The following GLT1D1 variants were observed in gnomAD, a reference collection of about 807,000 sequenced individuals.
GLT1D1 encodes glycosyltransferase 1 domain-containing protein 1.
In GLT1D1, 21 loss-of-function variants were observed where a neutral mutation model predicts 28.7. The observed-to-expected ratio is 0.73, with a 90% CI of 0.52 to 1.05. The LOEUF (loss-of-function observed/expected upper bound fraction) is 1.05, where lower values mean the gene tolerates loss of function less well. Among genes scored for constraint, GLT1D1 ranks in the 50% least tolerant of loss-of-function variants. The pLI is 0.00. For synonymous variants in GLT1D1, 147 were observed against 124.8 expected (o/e 1.18, Z -1.19); for missense variants, 343 against 330.6 (o/e 1.04, Z -0.29).
At chr12:128,908,361 T>TTTCCC (rs1555266884) in intron 4 of GLT1D1, among the ~76,000 whole-genome samples, 9 of 120,050 alleles carry the variant, frequency 7.5e-5, no homozygotes, top group East Asian at 2.8e-4. Context: ...TCTTTCTTTC[T>TTTCCC]TTTCTTTCTT....
At chr12:128,877,679 T>C (rs1956902306) in intron 2 of GLT1D1, among the ~76,000 whole-genome samples, 1 of 152,222 alleles carries the variant, frequency 6.6e-6, no homozygotes, top group Non-Finnish European at 1.5e-5. Context: ...ACAGTTAACA[T>C]TTTCTTGTGG....
chr12:128,880,990 G>C (rs1957017783), intron 2 of GLT1D1, among the ~76,000 whole-genome samples: 1 of 151,798 alleles, frequency 6.6e-6, no homozygotes, highest in Non-Finnish European at 1.5e-5. Context: ...TTTGGGTGGT[G>C]GAGACGGGCG....
chr12:128,875,209 C>T lies in GLT1D1; in HGVS notation c.69-705C>T, dbSNP rs541430428. ...GCCCAAAAACAATCTTTAGATACCA[C>T]AATTCAGGGACAGGAGAGAAAATGT... On this transcript the variant is annotated intron_variant, in intron 1 of 7. Coordinates refer to ENST00000281703, the MANE Select transcript of GLT1D1 (RefSeq NM_144669.3). Among the ~76,000 whole-genome samples, 8 of 152,214 alleles carry T rather than the reference C, an allele frequency of 5.3e-5. No individual in the cohort carries two copies. In the East Asian group the frequency reaches 1.4e-3, roughly 26 times the overall value.
intron 2 of GLT1D1, among the ~76,000 whole-genome samples, chr12:128,878,184 C>T (rs566503757): frequency 6.6e-6 from 1 of 152,168 alleles, no homozygotes; most frequent in East Asian, 1.9e-4. Flanking sequence ...TCATGTACAC[C>T]CATGCATGTA....
chr12:128,929,661 T>TTAAAAA (rs1396024841), intron 4 of GLT1D1, among the ~76,000 whole-genome samples: 3 of 152,146 alleles, frequency 2.0e-5, no homozygotes, highest in Non-Finnish European at 4.4e-5. Flanking sequence ...ACAAAAGGTA[T>TTAAAAA]TAAAAATGTC....
intron 2 of GLT1D1, among the ~76,000 whole-genome samples, chr12:128,880,485 AG>A (rs752830160): frequency 6.6e-6 from 1 of 152,210 alleles, no homozygotes; most frequent in Non-Finnish European, 1.5e-5. Flanking sequence ...TGAAGGTTAA[AG>A]TCTCTCTGTG....
At chr12:128,944,787 C>A in intron 4 of GLT1D1, 1 of 386,898 alleles carries the variant, frequency 2.6e-6, no homozygotes. Flanking sequence ...TTGGCTAACA[C>A]GTCAATTTAT....
At chr12:128,891,579 C>T (rs1026033908) in intron 3 of GLT1D1, among the ~76,000 whole-genome samples, 3 of 152,174 alleles carry the variant, frequency 2.0e-5, no homozygotes, top group African/African-American at 7.2e-5. Context: ...AAGCTCTGGC[C>T]AGGGAATTTG....
chr12:128,943,529 C>T (rs750483206), intron 4 of GLT1D1, among the ~76,000 whole-genome samples: 5 of 152,098 alleles, frequency 3.3e-5, no homozygotes, highest in South Asian at 2.1e-4. Context: ...CATTCAACTT[C>T]GGTGCTTGTC....
chr12:128,977,732 G>A (rs1022956130), intron 7 of GLT1D1, among the ~76,000 whole-genome samples: 11 of 150,934 alleles, frequency 7.3e-5, no homozygotes, highest in African/African-American at 1.2e-4. Flanking sequence ...AGTTTTTAGC[G>A]TCTGCCCTCT....
intron 4 of GLT1D1, among the ~76,000 whole-genome samples, chr12:128,907,696 T>TTTTG (rs1313332604): frequency 1.2e-4 from 19 of 152,336 alleles, no homozygotes; most frequent in African/African-American, 4.3e-4. Flanking sequence ...GTGTGGGTTT[T>TTTTG]TTTGTTTGTT....
intron 1 of GLT1D1, among the ~76,000 whole-genome samples, chr12:128,854,830 C>T (rs776315981): frequency 1.3e-5 from 2 of 152,152 alleles, no homozygotes; most frequent in Non-Finnish European, 2.9e-5. Flanking sequence ...TGAGACTCCA[C>T]CAACACTTTC....
chr12:128,983,912 G>A lies in GLT1D1; in HGVS notation c.*822G>A, dbSNP rs1880560664. 1 of 152,280 alleles carries A rather than the reference G, an allele frequency of 6.6e-6. No homozygotes were observed. The highest frequency in any genetic ancestry group is 2.4e-5 in the African/African-American group (1 of 41,464). The allele number at this position is 152,280 out of a possible 1,614,324, so 9.4% of individuals were successfully genotyped here. A position where few individuals can be genotyped will look rare whatever the true frequency, so the allele number is the denominator to read the frequency against. On this transcript the variant is annotated 3_prime_UTR_variant, in exon 8 of 8. Coordinates refer to ENST00000281703, the MANE Select transcript of GLT1D1 (RefSeq NM_144669.3). This position sits in a 1 kb window ranked among gnomAD's most constrained non-coding sequence, Gnocchi z 4.7. ...CCAGCCTCCAGCCTTTGGCAGGATG[G>A]AGCTTGGGTCTGCAGGGCTTTGCAG... is the stretch of plus-strand genomic sequence containing the variant.
At chr12:128,863,563 A>T (rs570158170) in intron 1 of GLT1D1, among the ~76,000 whole-genome samples, 1 of 152,094 alleles carries the variant, frequency 6.6e-6, no homozygotes, top group Non-Finnish European at 1.5e-5. Flanking sequence ...TAGTAAATAG[A>T]GACGGGGTTT....
chr12:128,895,246 C>A (rs770839998), intron 3 of GLT1D1, among the ~76,000 whole-genome samples: 3 of 151,958 alleles, frequency 2.0e-5, no homozygotes, highest in Admixed American at 6.6e-5. Context: ...TGCTTGTAAG[C>A]CCTCTTAGAG....
chr12:128,944,483 G>A, intron 4 of GLT1D1: 1 of 1,221,644 alleles, frequency 8.2e-7, no homozygotes, highest in Non-Finnish European at 1.2e-6. Flanking sequence ...TGAATGAGCG[G>A]CTCCCCTGTC....
chr12:128,941,734 C>T (rs544415799), intron 4 of GLT1D1, among the ~76,000 whole-genome samples: 63 of 151,544 alleles, frequency 4.2e-4, no homozygotes, highest in African/African-American at 1.5e-3. Flanking sequence ...TCTACCCCCA[C>T]GCCCAGTCAA....
intron 4 of GLT1D1, among the ~76,000 whole-genome samples, chr12:128,934,562 C>A (rs1379927324): frequency 6.6e-6 from 1 of 152,148 alleles, no homozygotes; most frequent in East Asian, 1.9e-4. Flanking sequence ...CCATTTCTCT[C>A]CTTGAAGCCC....
chr12:128,953,235 A>G (rs1350560150), intron 6 of GLT1D1, among the ~76,000 whole-genome samples: 24 of 152,206 alleles, frequency 1.6e-4, no homozygotes, highest in Admixed American at 1.6e-3. Context: ...ATCTCCTATC[A>G]GCCTATCAGA....
Sources: allele counts gnomAD v4.1 joint callset (sites outside exome capture counted in the v4.1 genomes callset), GRCh38; gene constraint gnomAD v4.1.1; non-coding constraint Gnocchi (gnomAD v3.1); transcripts MANE v1.5; gene names NCBI Gene and HGNC (gene_info 2026-07-23, HGNC 2026-07-21).